CEP83: variants seen among roughly 807,000 people sequenced by gnomAD.
CEP83 encodes the protein centrosomal protein of 83 kDa.
CEP83 carries 70 observed loss-of-function variants against 101.9 expected under a neutral mutation model. The ratio of observed to expected loss-of-function variants is 0.69; its 90% CI spans 0.57 to 0.84. The LOEUF (loss-of-function observed/expected upper bound fraction) is 0.84, where lower values mean the gene tolerates loss of function less well. Ranked by LOEUF, CEP83 falls within the 40% of genes least tolerant of loss-of-function variation. CEP83 has a pLI of 0.00. For synonymous variants in CEP83, 264 were observed against 267.9 expected (o/e 0.99, Z 0.14); for missense variants, 715 against 787.2 (o/e 0.91, Z 1.10).
At chr12:94,427,903 G>A (rs1195227683) in intron 2 of CEP83, among the ~76,000 whole-genome samples, 1 of 152,128 alleles carries the variant, frequency 6.6e-6, no homozygotes, top group Non-Finnish European at 1.5e-5. Flanking sequence ...CAAAAAAAAA[G>A]TCACAACTTG....
At chr12:94,438,703 C>T (rs2066180218) in intron 1 of CEP83, among the ~76,000 whole-genome samples, 1 of 152,208 alleles carries the variant, frequency 6.6e-6, no homozygotes, top group Non-Finnish European at 1.5e-5. Flanking sequence ...CAGATATTTA[C>T]AGAACATTCT....
chr12:94,371,377 C>T (rs555053609), intron 8 of CEP83, among the ~76,000 whole-genome samples: 1 of 152,026 alleles, frequency 6.6e-6, no homozygotes, highest in African/African-American at 2.4e-5. Flanking sequence ...TGTCTGTGTG[C>T]GCATGTGCAC....
At chr12:94,313,129 GT>G in intron 14 of CEP83, 112 bp from the exon 15 acceptor site, 1 of 514,762 alleles carries the variant, frequency 1.9e-6, no homozygotes, top group Non-Finnish European at 3.4e-6. Context: ...AATGTTTTCA[GT>G]GAATACTAGA....
intron 14 of CEP83, among the ~76,000 whole-genome samples, chr12:94,325,488 T>C (rs1309976142): frequency 1.3e-5 from 2 of 152,216 alleles, no homozygotes; most frequent in Non-Finnish European, 2.9e-5. Context: ...CTGTCAATTT[T>C]CCTCTTAGTA....
chr12:94,426,095 C>G (rs1282523254), intron 2 of CEP83, among the ~76,000 whole-genome samples: 1 of 150,864 alleles, frequency 6.6e-6, no homozygotes, highest in Non-Finnish European at 1.5e-5. Flanking sequence ...GCACTCCAGC[C>G]TGGGTGACAG....
the CEP83 span, among the ~76,000 whole-genome samples, chr12:94,296,999 C>A: frequency 6.6e-6 from 1 of 152,188 alleles, no homozygotes; most frequent in Non-Finnish European, 1.5e-5. Context: ...CCTCACCCGT[C>A]CCATCTTCAC....
chr12:94,348,804 G>A (rs1012104583), intron 11 of CEP83, among the ~76,000 whole-genome samples: 6 of 152,128 alleles, frequency 3.9e-5, no homozygotes, highest in African/African-American at 1.2e-4. Context: ...TCTTCTCTAC[G>A]ACAATGTCCA....
Position 94,375,340 on chromosome 12 carries a change from G to C in CEP83, c.933+546C>G, listed in dbSNP as rs138129441. Among the ~76,000 whole-genome samples the C allele has an allele frequency of 1.2e-4, 19 of 152,296 alleles. No homozygotes were observed. The East Asian group carries it at 3.5e-3, about 28-fold the overall frequency. Reference sequence around the variant, plus strand: ...AGAAGCAAGTTATGTGGATACGTGAGGGAAGACTGAGCCAAACTCAGACAA... The same window carrying C: ...AGAAGCAAGTTATGTGGATACGTGACGGAAGACTGAGCCAAACTCAGACAA... On this transcript the variant is annotated intron_variant, in intron 8 of 16. Transcript: ENST00000397809.
intron 12 of CEP83, among the ~76,000 whole-genome samples, chr12:94,335,272 T>G (rs1304835990): frequency 6.6e-6 from 1 of 152,074 alleles, no homozygotes; most frequent in Non-Finnish European, 1.5e-5. Context: ...TGGATGATAT[T>G]TCTATTGAGT....
chr12:94,431,525 A>C (rs2065624443), intron 2 of CEP83, among the ~76,000 whole-genome samples: 2 of 152,144 alleles, frequency 1.3e-5, no homozygotes, highest in Non-Finnish European at 2.9e-5. Context: ...AATGGGAGAA[A>C]ATATTTGCAA....
rs550141581 is a variant in CEP83, at chr12:94,384,046, T to G, written c.550-5004A>C. 5.3e-5 allele frequency among the ~76,000 whole-genome samples: 8 copies of G among 152,288 alleles called. No individual in the cohort carries two copies. In the South Asian group the frequency reaches 1.7e-3, roughly 32 times the overall value. ...CATATACCCACAGTTCTGTTTACCA[T>G]GTACATTTATCCTTCCTAATACTTT... On this transcript the variant is annotated intron_variant, in intron 6 of 16. Transcript: ENST00000397809.
intron 1 of CEP83, among the ~76,000 whole-genome samples, chr12:94,456,805 A>C (rs796320484): frequency 2.4e-4 from 36 of 152,352 alleles, no homozygotes; most frequent in African/African-American, 8.4e-4. Context: ...AAGCCTAATC[A>C]TATCAGTCAT....
At chr12:94,382,729 T>C (rs1593574788) in intron 6 of CEP83, among the ~76,000 whole-genome samples, 1 of 151,974 alleles carries the variant, frequency 6.6e-6, no homozygotes, top group East Asian at 1.9e-4. Context: ...TGATTTCAAG[T>C]TGTATAAGTT....
At chr12:94,340,436 A>ATT (rs143511419) in intron 11 of CEP83, among the ~76,000 whole-genome samples, 2 of 141,314 alleles carry the variant, frequency 1.4e-5, no homozygotes, top group Non-Finnish European at 3.1e-5. Context: ...TTGTCTCTAG[A>ATT]TTTTTTTTTT....
chr12:94,398,006 G>A (rs952772410), intron 6 of CEP83, among the ~76,000 whole-genome samples: 6 of 152,242 alleles, frequency 3.9e-5, no homozygotes, highest in East Asian at 3.9e-4. Context: ...ACACACTGTC[G>A]AGACTCAGGT....
chr12:94,433,193 CTT>C (rs2065768998), intron 2 of CEP83, among the ~76,000 whole-genome samples: 1 of 152,108 alleles, frequency 6.6e-6, no homozygotes, highest in Non-Finnish European at 1.5e-5. Context: ...AGATTTTAAA[CTT>C]TTAGATGGAT....
At chr12:94,290,635 G>A in the CEP83 span, among the ~76,000 whole-genome samples, 1 of 152,226 alleles carries the variant, frequency 6.6e-6, no homozygotes, top group Non-Finnish European at 1.5e-5. Context: ...CTTGCTCTGT[G>A]TTCCTCCCTG....
At chr12:94,315,648 T>G (rs1027607476) in intron 14 of CEP83, among the ~76,000 whole-genome samples, 1 of 152,038 alleles carries the variant, frequency 6.6e-6, no homozygotes, top group Admixed American at 6.6e-5. Context: ...ATCTTTATTA[T>G]CCCAAGATCC....
At chr12:94,454,692 T>G (rs754331429) in intron 1 of CEP83, among the ~76,000 whole-genome samples, 2 of 152,236 alleles carry the variant, frequency 1.3e-5, no homozygotes, top group Non-Finnish European at 2.9e-5. Flanking sequence ...ACTCTTTGGG[T>G]CCACACTGCC....
Sources: allele counts gnomAD v4.1 joint callset (sites outside exome capture counted in the v4.1 genomes callset), GRCh38; gene constraint gnomAD v4.1.1; transcripts MANE v1.5; gene names NCBI Gene and HGNC (gene_info 2026-07-23, HGNC 2026-07-21).